B4GALT6: variants seen among roughly 807,000 people sequenced by gnomAD.
The protein encoded by B4GALT6 is beta-1,4-galactosyltransferase 6.
A neutral mutation model predicts 46.3 loss-of-function variants in B4GALT6; 14 were observed. The observed-to-expected ratio is 0.30, with a 90% CI of 0.20 to 0.47. The LOEUF is 0.47. Among genes scored for constraint, B4GALT6 ranks in the 20% least tolerant of loss-of-function variants. The pLI is 0.99. For synonymous variants in B4GALT6, 168 were observed against 162.0 expected, an observed-to-expected ratio of 1.04 and a Z score of -0.28; for missense variants, 386 against 480.1, an observed-to-expected ratio of 0.80 and a Z score of 1.83.
At chr18:31,706,340 A>G in the B4GALT6 span, among the ~76,000 whole-genome samples, 1 of 152,166 alleles carries the variant, frequency 6.6e-6, no homozygotes, top group East Asian at 1.9e-4. Flanking sequence ...AGAACATCAT[A>G]TAACTTTTTG....
the B4GALT6 span, among the ~76,000 whole-genome samples, chr18:31,701,299 TC>T: frequency 6.6e-6 from 1 of 152,196 alleles, no homozygotes; most frequent in African/African-American, 2.4e-5. Context: ...TCTCTCTTGC[TC>T]CTGCTCTGGC....
At chr18:31,664,588 C>A (rs1275166930) in intron 2 of B4GALT6, among the ~76,000 whole-genome samples, 1 of 147,040 alleles carries the variant, frequency 6.8e-6, no homozygotes, top group Non-Finnish European at 1.5e-5. Flanking sequence ...CCCATGTAAT[C>A]ATTCCTCCTA....
chr18:31,659,904 G>A (rs1366630198), intron 2 of B4GALT6, among the ~76,000 whole-genome samples: 1 of 149,088 alleles, frequency 6.7e-6, no homozygotes, highest in Non-Finnish European at 1.5e-5. Flanking sequence ...AAGATACCAA[G>A]CAAAAGCAAG....
chr18:31,649,785 G>C (rs555720277), intron 3 of B4GALT6, among the ~76,000 whole-genome samples: 1 of 152,286 alleles, frequency 6.6e-6, no homozygotes, highest in Admixed American at 6.5e-5. Flanking sequence ...GGGAAGAAAA[G>C]GAGATGCTTA....
At chr18:31,689,879 CT>C (rs1315570521), upstream of B4GALT6, among the ~76,000 whole-genome samples, 4 of 152,166 alleles carry the variant, frequency 2.6e-5, no homozygotes, top group Non-Finnish European at 5.9e-5. Context: ...TGCATACCAG[CT>C]GGGCAACTCA....
intron 5 of B4GALT6, among the ~76,000 whole-genome samples, chr18:31,633,246 G>C (rs1486550860): frequency 6.6e-6 from 1 of 152,044 alleles, no homozygotes; most frequent in Non-Finnish European, 1.5e-5. Flanking sequence ...AAAGCCCTGA[G>C]ATCCTGGCAG....
chr18:31,678,257 T>C (rs1415973796), intron 1 of B4GALT6, among the ~76,000 whole-genome samples: 1 of 152,138 alleles, frequency 6.6e-6, no homozygotes, highest in African/African-American at 2.4e-5. Flanking sequence ...CACCTCACAA[T>C]GTGTAAGGAA....
At chr18:31,643,349 A>G (rs907334971) in intron 4 of B4GALT6, among the ~76,000 whole-genome samples, 2 of 152,184 alleles carry the variant, frequency 1.3e-5, no homozygotes, top group African/African-American at 2.4e-5. Context: ...CCCAGGCTAG[A>G]GCGCAGTGGT....
At chr18:31,640,291 G>A (rs1369326030) in intron 4 of B4GALT6, among the ~76,000 whole-genome samples, 1 of 152,038 alleles carries the variant, frequency 6.6e-6, no homozygotes, top group Non-Finnish European at 1.5e-5. Context: ...GAATACTTAA[G>A]TTTTGCACCT....
chr18:31,638,518 CT>C, intron 5 of B4GALT6, 125 bp downstream of exon 5: 6 of 816,010 alleles, frequency 7.4e-6, no homozygotes, highest in Non-Finnish European at 1.2e-5. Context: ...CACAGCAAGA[CT>C]CTGTCTCAAA....
chr18:31,630,375 T>C (rs2073771093), intron 6 of B4GALT6, among the ~76,000 whole-genome samples: 1 of 152,090 alleles, frequency 6.6e-6, no homozygotes, highest in African/African-American at 2.4e-5. Flanking sequence ...CTGATAACTG[T>C]TCATTTTAAA....
Position 31,624,566 on chromosome 18 carries a change from A to G in B4GALT6, c.*1048T>C, listed in dbSNP as rs1241866030. The G allele has an allele frequency of 2.6e-5, 4 of 152,176 alleles. No homozygotes were observed. The East Asian group carries it at 7.7e-4, about 29-fold the overall frequency. The allele number at this position is 152,176 out of a possible 1,614,324, so 9.4% of individuals were successfully genotyped here. On this transcript the variant is annotated 3_prime_UTR_variant, in exon 9 of 9. Transcript: ENST00000306851. ...ATAGAATATTTAATTCTTATCTAAT[A>G]GTATAATTCATTTGTATATTATAAG...
chr18:31,640,800 T>C (rs2073920701), intron 4 of B4GALT6, among the ~76,000 whole-genome samples: 1 of 152,256 alleles, frequency 6.6e-6, no homozygotes. Flanking sequence ...GGGCACTTAC[T>C]GCTGGGCTTC....
chr18:31,696,654 G>T, the B4GALT6 span, among the ~76,000 whole-genome samples: 1 of 152,030 alleles, frequency 6.6e-6, no homozygotes. Context: ...ATTTCAATTT[G>T]TTTTAAACAC....
At chr18:31,661,359 T>C (rs949484072) in intron 2 of B4GALT6, among the ~76,000 whole-genome samples, 2 of 152,306 alleles carry the variant, frequency 1.3e-5, no homozygotes, top group South Asian at 2.1e-4. Context: ...AATTGTTAGT[T>C]CTCTGAGGAT....
chr18:31,626,644 C>G (rs1598860267), intron 7 of B4GALT6, among the ~76,000 whole-genome samples: 1 of 152,080 alleles, frequency 6.6e-6, no homozygotes, highest in African/African-American at 2.4e-5. Context: ...CTATTGTAAA[C>G]TGCACATGTG....
chr18:31,655,180 T>A (rs1293803145), intron 3 of B4GALT6, among the ~76,000 whole-genome samples: 2 of 152,254 alleles, frequency 1.3e-5, no homozygotes, highest in African/African-American at 2.4e-5. Flanking sequence ...GTCGGGCAGC[T>A]CGTGCAAGGC....
upstream of B4GALT6, chr18:31,684,621 G>T (rs2074521772): frequency 7.2e-6 from 9 of 1,242,166 alleles, no homozygotes; most frequent in Non-Finnish European, 9.2e-6. Context: ...GGAGGCCAGA[G>T]AGTCGGGGGA....
At chr18:31,690,056 G>A (rs2030058434), upstream of B4GALT6, among the ~76,000 whole-genome samples, 1 of 152,132 alleles carries the variant, frequency 6.6e-6, no homozygotes, top group Admixed American at 6.6e-5. Flanking sequence ...ACTATTACTT[G>A]ACACAGTTCA....
Sources: allele counts gnomAD v4.1 joint callset (sites outside exome capture counted in the v4.1 genomes callset), GRCh38; gene constraint gnomAD v4.1.1; transcripts MANE v1.5; gene names NCBI Gene and HGNC (gene_info 2026-07-23, HGNC 2026-07-21).